LARGE1: variants seen among roughly 807,000 people sequenced by gnomAD.
LARGE1 encodes the protein LARGE xylosyl- and glucuronyltransferase 1.
A neutral mutation model predicts 87.6 loss-of-function variants in LARGE1; 43 were observed. The ratio of observed to expected loss-of-function variants is 0.49; its 90% CI spans 0.38 to 0.63. The LOEUF is 0.63. Among genes scored for constraint, LARGE1 ranks in the 30% least tolerant of loss-of-function variants. The pLI is 0.00. For synonymous variants in LARGE1, 434 were observed against 394.6 expected (o/e 1.10, Z -1.18); for missense variants, 802 against 1,000.2 (o/e 0.80, Z 2.67).
intron 2 of LARGE1, among the ~76,000 whole-genome samples, chr22:33,732,105 C>T (rs368687778): frequency 5.3e-5 from 8 of 152,280 alleles, no homozygotes; most frequent in Non-Finnish European, 1.0e-4. Context: ...ACAAGAGCTT[C>T]GGTAGCCCCA....
At chr22:33,230,555 A>G (rs986417660) in intron 11 of LARGE1, among the ~76,000 whole-genome samples, 3 of 152,232 alleles carry the variant, frequency 2.0e-5, no homozygotes, top group Non-Finnish European at 4.4e-5. Context: ...AGAAAAAGAA[A>G]GGAAGCCCAA....
At chr22:33,553,160 C>T (rs910668516) in intron 6 of LARGE1, among the ~76,000 whole-genome samples, 1 of 152,172 alleles carries the variant, frequency 6.6e-6, no homozygotes, top group African/African-American at 2.4e-5. Context: ...AAGAACCTCT[C>T]CCATCCTGAA....
intron 2 of LARGE1, among the ~76,000 whole-genome samples, chr22:33,693,280 C>A (rs1569377105): frequency 6.6e-6 from 1 of 152,032 alleles, no homozygotes; most frequent in South Asian, 2.1e-4. Flanking sequence ...AGCCAAAAAA[C>A]TACCCGCTGG....
chr22:33,466,966 T>C (rs1043454604), intron 6 of LARGE1, among the ~76,000 whole-genome samples: 20 of 152,114 alleles, frequency 1.3e-4, no homozygotes, highest in Non-Finnish European at 2.1e-4. Context: ...CACTTGAATC[T>C]GGGAGGTGGA....
intron 7 of LARGE1, among the ~76,000 whole-genome samples, chr22:33,418,078 G>T (rs2066564813): frequency 6.6e-6 from 1 of 152,168 alleles, no homozygotes; most frequent in Non-Finnish European, 1.5e-5. Flanking sequence ...CTCTCAAGTA[G>T]CTGGGACTAC....
chr22:33,764,003 C>T (rs547831778), intron 1 of LARGE1, among the ~76,000 whole-genome samples: 72 of 151,962 alleles, frequency 4.7e-4, no homozygotes, highest in Non-Finnish European at 8.7e-4. Flanking sequence ...GCACACGCCA[C>T]CACGTCCAGC....
the LARGE1 span, among the ~76,000 whole-genome samples, chr22:33,080,459 C>A: frequency 1.3e-5 from 2 of 152,142 alleles, no homozygotes; most frequent in African/African-American, 4.8e-5. Flanking sequence ...CAGAATGTTT[C>A]AGATTTTATG....
At chr22:33,588,013 C>T (rs550521765) in intron 5 of LARGE1, among the ~76,000 whole-genome samples, 1 of 152,234 alleles carries the variant, frequency 6.6e-6, no homozygotes, top group African/African-American at 2.4e-5. Context: ...CTTAAGTTAT[C>T]GGCCTTCTCT....
intron 1 of LARGE1, among the ~76,000 whole-genome samples, chr22:33,778,591 G>C (rs2071318192): frequency 6.6e-6 from 1 of 152,050 alleles, no homozygotes; most frequent in Non-Finnish European, 1.5e-5. Context: ...TTTGGGTCTG[G>C]TTCCTCTCAC....
At chr22:33,471,464 T>A (rs1053109526) in intron 6 of LARGE1, among the ~76,000 whole-genome samples, 2 of 152,222 alleles carry the variant, frequency 1.3e-5, no homozygotes, top group Non-Finnish European at 2.9e-5. Flanking sequence ...GTGCAAAGCA[T>A]CTGCTCAATT....
At chr22:33,559,615 C>T (rs1043399394) in intron 6 of LARGE1, among the ~76,000 whole-genome samples, 5 of 152,210 alleles carry the variant, frequency 3.3e-5, no homozygotes, top group African/African-American at 1.2e-4. Context: ...ACTCTTAACG[C>T]CATTGCACTG....
chr22:33,679,629 G>C (rs2081688609), intron 2 of LARGE1, among the ~76,000 whole-genome samples: 1 of 152,138 alleles, frequency 6.6e-6, no homozygotes, highest in Non-Finnish European at 1.5e-5. Flanking sequence ...ATTGCATGAG[G>C]TCAGGAGTTC....
intron 1 of LARGE1, among the ~76,000 whole-genome samples, chr22:33,784,847 T>C (rs950194889): frequency 1.3e-5 from 2 of 151,318 alleles, no homozygotes; most frequent in East Asian, 1.9e-4. Flanking sequence ...TATACACACA[T>C]AGACAGTTTA....
intron 4 of LARGE1, among the ~76,000 whole-genome samples, chr22:33,615,360 G>C (rs187022032): frequency 6.6e-6 from 1 of 152,086 alleles, no homozygotes; most frequent in Non-Finnish European, 1.5e-5. Context: ...TAATTACCTG[G>C]AAGTTAGGTA....
intron 7 of LARGE1, among the ~76,000 whole-genome samples, chr22:33,423,008 ATT>A (rs397722052): frequency 3.9e-4 from 57 of 147,132 alleles, no homozygotes; most frequent in African/African-American, 1.1e-3. Flanking sequence ...TTTTAAAACC[ATT>A]TTTTTTTTTT....
At chr22:33,546,036 C>A (rs1030049484) in intron 6 of LARGE1, among the ~76,000 whole-genome samples, 4 of 152,276 alleles carry the variant, frequency 2.6e-5, no homozygotes, top group Admixed American at 1.3e-4. Context: ...ATTTCTCTGA[C>A]AAGCGCACAC....
At chr22:33,453,254 A>C (rs550737981) in intron 6 of LARGE1, among the ~76,000 whole-genome samples, 1 of 152,078 alleles carries the variant, frequency 6.6e-6, no homozygotes, top group Admixed American at 6.5e-5. Flanking sequence ...ATCTCTACTA[A>C]AAATACAAAA....
chr22:33,472,743 T>C (rs1306395849), intron 6 of LARGE1, among the ~76,000 whole-genome samples: 1 of 152,236 alleles, frequency 6.6e-6, no homozygotes, highest in Non-Finnish European at 1.5e-5. Context: ...CATTTTAATA[T>C]GTGCTGAGTT....
chr22:33,188,960 A>G (rs907522484), intron 11 of LARGE1, among the ~76,000 whole-genome samples: 1 of 151,740 alleles, frequency 6.6e-6, no homozygotes, highest in African/African-American at 2.4e-5. Context: ...AACATTGTCC[A>G]CCCAATGGGC....
Sources: gnomAD v4.1 joint callset for allele counts (sites outside exome capture counted in the v4.1 genomes callset) on GRCh38, gnomAD v4.1.1 for gene constraint, MANE v1.5 for transcripts, NCBI Gene and HGNC (gene_info 2026-07-23, HGNC 2026-07-21) for gene names.